MAGI3: variants seen among roughly 807,000 people sequenced by gnomAD.
MAGI3 encodes membrane-associated guanylate kinase, WW and PDZ domain-containing protein 3.
In MAGI3, 43 loss-of-function variants were observed where a neutral mutation model predicts 121.8. That is an observed-to-expected ratio of 0.35 (90% CI 0.28 to 0.46). The LOEUF (loss-of-function observed/expected upper bound fraction) is 0.46. Among genes scored for constraint, MAGI3 ranks in the 20% least tolerant of loss-of-function variants. MAGI3 has a pLI of 1.00. For missense variants in MAGI3, 1,547 were observed against 1,797.3 expected, an observed-to-expected ratio of 0.86 and a Z score of 2.52; for synonymous variants, 553 against 639.3, an observed-to-expected ratio of 0.86 and a Z score of 2.04.
At chr1:113,445,129 A>G (rs558875580) in intron 1 of MAGI3, among the ~76,000 whole-genome samples, 2 of 152,190 alleles carry the variant, frequency 1.3e-5, no homozygotes, top group South Asian at 4.1e-4. Context: ...AAGTGGACCA[A>G]CATAAACATT....
At chr1:113,622,770 T>G in intron 8 of MAGI3, 36 bp from the exon 9 acceptor site, 1 of 1,501,824 alleles carries the variant, frequency 6.7e-7, no homozygotes, top group Admixed American at 2.5e-5. Context: ...ATTGTAATTA[T>G]TTTTGTTCTC....
chr1:113,635,949 T>C (rs1352415602), intron 9 of MAGI3, among the ~76,000 whole-genome samples: 2 of 152,204 alleles, frequency 1.3e-5, no homozygotes, highest in Non-Finnish European at 2.9e-5. Context: ...CCTGGTTTAG[T>C]CTTGGGAGGG....
intron 6 of MAGI3, among the ~76,000 whole-genome samples, chr1:113,610,638 C>G (rs987877085): frequency 6.6e-6 from 1 of 152,174 alleles, no homozygotes; most frequent in African/African-American, 2.4e-5. Flanking sequence ...TCGCCTTTCC[C>G]TCACTGTCTC....
chr1:113,455,502 C>CTTTT (rs1654707241), intron 1 of MAGI3, among the ~76,000 whole-genome samples: 1 of 152,076 alleles, frequency 6.6e-6, no homozygotes, highest in Non-Finnish European at 1.5e-5. Context: ...TTCTTGCCAT[C>CTTTT]CAGGCCTTGC....
intron 2 of MAGI3, among the ~76,000 whole-genome samples, chr1:113,573,151 T>C (rs2101707095): frequency 6.6e-6 from 1 of 152,306 alleles, no homozygotes; most frequent in African/African-American, 2.4e-5. Context: ...GGTCTCGATC[T>C]CCTGACCTCG....
intron 1 of MAGI3, among the ~76,000 whole-genome samples, chr1:113,433,665 T>G (rs570289934): frequency 4.3e-4 from 66 of 152,260 alleles, no homozygotes; most frequent in African/African-American, 1.5e-3. Flanking sequence ...GTAATAATAA[T>G]TATGTGAAAA....
intron 1 of MAGI3, among the ~76,000 whole-genome samples, chr1:113,418,628 C>T (rs1276853837): frequency 1.3e-5 from 2 of 152,034 alleles, no homozygotes; most frequent in African/African-American, 4.8e-5. Context: ...TCTTCTTACA[C>T]AAGATGGAAA....
intron 2 of MAGI3, among the ~76,000 whole-genome samples, chr1:113,573,626 A>G (rs1404233403): frequency 6.6e-6 from 1 of 152,080 alleles, no homozygotes; most frequent in Non-Finnish European, 1.5e-5. Context: ...TATGTGGTTG[A>G]TTTTAGAATA....
At chr1:113,481,293 C>G (rs1656099668) in intron 1 of MAGI3, among the ~76,000 whole-genome samples, 1 of 152,142 alleles carries the variant, frequency 6.6e-6, no homozygotes, top group African/African-American at 2.4e-5. Flanking sequence ...ATCTTATAAA[C>G]CTAGTTAGGT....
intron 1 of MAGI3, among the ~76,000 whole-genome samples, chr1:113,427,401 C>A (rs1653064846): frequency 6.6e-6 from 1 of 152,238 alleles, no homozygotes; most frequent in African/African-American, 2.4e-5. Flanking sequence ...CTTCCCCTGG[C>A]TGCTTATTAG....
At chr1:113,411,178 A>G in intron 1 of MAGI3, among the ~76,000 whole-genome samples, 1 of 152,278 alleles carries the variant, frequency 6.6e-6, no homozygotes, top group South Asian at 2.1e-4. Flanking sequence ...TGACAGATGT[A>G]AAACATTAAT....
intron 1 of MAGI3, among the ~76,000 whole-genome samples, chr1:113,540,088 A>C (rs2101654074): frequency 6.6e-6 from 1 of 152,294 alleles, no homozygotes; most frequent in South Asian, 2.1e-4. Flanking sequence ...GGTGTGAGCC[A>C]CCATACCTGG....
chr1:113,665,743 T>C (rs891817418), intron 16 of MAGI3, among the ~76,000 whole-genome samples: 36 of 152,164 alleles, frequency 2.4e-4, no homozygotes, highest in African/African-American at 8.2e-4. Flanking sequence ...ATAGGGTTCT[T>C]ATTTACTCTT....
At chr1:113,650,398 A>T (rs1653092175) in intron 13 of MAGI3, among the ~76,000 whole-genome samples, 1 of 152,246 alleles carries the variant, frequency 6.6e-6, no homozygotes, top group African/African-American at 2.4e-5. Context: ...GTCAGATTTT[A>T]GCAGCTCTGA....
At chr1:113,476,571 G>A (rs533157222) in intron 1 of MAGI3, among the ~76,000 whole-genome samples, 24 of 152,168 alleles carry the variant, frequency 1.6e-4, no homozygotes, top group African/African-American at 4.8e-4. Flanking sequence ...ATTTGATTTC[G>A]CTGTGGTTTG....
rs1355000843 is a variant in MAGI3 at position 113,391,952 on chromosome 1, G to GT, written c.316+603_316+604insT. On this transcript the variant is annotated intron_variant, in intron 1 of 20. Transcript: ENST00000307546. This position sits in a 1 kb window ranked among gnomAD's most constrained non-coding sequence, Gnocchi z 4.4. ...TGGCAGACTGGTGTGTTCTTGCAGG[G>GT]AGCTGTTGAATAGAGTCTGGGTTTT... is the stretch of plus-strand genomic sequence containing the variant. Among the ~76,000 whole-genome samples the GT allele has an allele frequency of 6.6e-6, 1 of 152,228 alleles. No individual in the cohort carries two copies. The highest frequency in any genetic ancestry group is 1.5e-5 in the Non-Finnish European group (1 of 68,036).
intron 1 of MAGI3, among the ~76,000 whole-genome samples, chr1:113,447,587 C>T (rs1326730890): frequency 1.3e-5 from 2 of 152,188 alleles, no homozygotes. Flanking sequence ...GGAGCGGTGG[C>T]TCACGCCTAT....
chr1:113,401,050 G>C (rs1452279378), intron 1 of MAGI3, among the ~76,000 whole-genome samples: 1 of 151,976 alleles, frequency 6.6e-6, no homozygotes, highest in African/African-American at 2.4e-5. Flanking sequence ...TAGCATTCAT[G>C]TTTTCTTATA....
chr1:113,667,828 A>G (rs1051247842), intron 16 of MAGI3, among the ~76,000 whole-genome samples: 3 of 152,200 alleles, frequency 2.0e-5, no homozygotes, highest in Non-Finnish European at 4.4e-5. Context: ...ATTAATTGGC[A>G]TGATCAATAT....
Sources: allele counts gnomAD v4.1 joint callset (sites outside exome capture counted in the v4.1 genomes callset), GRCh38; gene constraint gnomAD v4.1.1; non-coding constraint Gnocchi (gnomAD v3.1); transcripts MANE v1.5; gene names NCBI Gene and HGNC (gene_info 2026-07-23, HGNC 2026-07-21).